NKAIN3: variants seen among roughly 807,000 people sequenced by gnomAD.
NKAIN3 encodes sodium/potassium-transporting ATPase subunit beta-1-interacting protein 3.
A neutral mutation model predicts 30.2 loss-of-function variants in NKAIN3; 25 were observed. The ratio of observed to expected loss-of-function variants is 0.83; its 90% confidence interval spans 0.60 to 1.16. The LOEUF (loss-of-function observed/expected upper bound fraction) is 1.16, where lower values mean the gene tolerates loss of function less well. NKAIN3 is among the 50% of genes most tolerant of loss of function. NKAIN3 has a pLI of 0.00. For missense variants in NKAIN3, 225 were observed against 254.1 expected, an observed-to-expected ratio of 0.89 and a Z score of 0.78; for synonymous variants, 91 against 89.6, an observed-to-expected ratio of 1.02 and a Z score of -0.09.
chr8:62,640,760 C>T (rs770607332), intron 3 of NKAIN3, among the ~76,000 whole-genome samples: 5 of 152,080 alleles, frequency 3.3e-5, no homozygotes, highest in African/African-American at 4.8e-5. Context: ...CTGAGCACCC[C>T]AGAGGTGGGT....
At chr8:62,416,482 A>G (rs912429014) in intron 1 of NKAIN3, among the ~76,000 whole-genome samples, 1 of 152,182 alleles carries the variant, frequency 6.6e-6, no homozygotes, top group East Asian at 1.9e-4. Context: ...AGCAGAGCTT[A>G]ACAAAAAAGA....
At chr8:62,611,185 T>C (rs2130186268) in intron 3 of NKAIN3, among the ~76,000 whole-genome samples, 1 of 152,260 alleles carries the variant, frequency 6.6e-6, no homozygotes, top group East Asian at 1.9e-4. Flanking sequence ...AAAAATGTTA[T>C]GGGTATATAG....
At chr8:62,565,187 TA>T (rs1438950704) in intron 1 of NKAIN3, among the ~76,000 whole-genome samples, 6 of 152,176 alleles carry the variant, frequency 3.9e-5, no homozygotes, top group Admixed American at 3.3e-4. Flanking sequence ...TGTAGTATTT[TA>T]TTTTTTTGAT....
rs561849453 is a variant in NKAIN3, at chr8:62,958,655, G to A, written c.603+4683G>A. ...TACCCCTCAGGAAGAAAAATAGCAT[G>A]GCATAAACATATACAGCTATCAAAG... is the stretch of plus-strand genomic sequence containing the variant. On this transcript the variant is annotated intron_variant, in intron 6 of 6. Transcript: ENST00000623646. Among the ~76,000 whole-genome samples, 3 of 152,212 alleles carry A rather than the reference G, an allele frequency of 2.0e-5. No homozygotes were observed. The South Asian group carries it at 6.2e-4, about 32-fold the overall frequency.
intron 1 of NKAIN3, among the ~76,000 whole-genome samples, chr8:62,361,826 G>C (rs1816574916): frequency 6.6e-6 from 1 of 152,124 alleles, no homozygotes. Context: ...GCAGTCTCAT[G>C]CTTGTTTGTT....
intron 1 of NKAIN3, among the ~76,000 whole-genome samples, chr8:62,469,582 C>A (rs2129599934): frequency 6.6e-6 from 1 of 152,210 alleles, no homozygotes; most frequent in East Asian, 1.9e-4. Flanking sequence ...GGGCCCTTCC[C>A]CTTTCATCTC....
intron 1 of NKAIN3, among the ~76,000 whole-genome samples, chr8:62,511,232 G>T (rs993647084): frequency 6.6e-6 from 1 of 152,078 alleles, no homozygotes; most frequent in African/African-American, 2.4e-5. Context: ...ATTTCAGGTT[G>T]CCTCTCTGCA....
chr8:62,896,311 C>T (rs143548711), intron 4 of NKAIN3, among the ~76,000 whole-genome samples: 8 of 152,196 alleles, frequency 5.3e-5, no homozygotes, highest in South Asian at 4.2e-4. Flanking sequence ...GACCTAATTA[C>T]CTTCCAAAAG....
intron 4 of NKAIN3, among the ~76,000 whole-genome samples, chr8:62,769,933 G>A (rs1816962449): frequency 6.6e-6 from 1 of 152,144 alleles, no homozygotes; most frequent in African/African-American, 2.4e-5. Flanking sequence ...TGGAACCTAA[G>A]ATAACTCAAT....
intron 1 of NKAIN3, among the ~76,000 whole-genome samples, chr8:62,390,184 C>A (rs1415835373): frequency 6.6e-6 from 1 of 152,026 alleles, no homozygotes; most frequent in East Asian, 1.9e-4. Flanking sequence ...TTCCTGATCC[C>A]TTCCTTTATC....
At chr8:62,566,123 G>T (rs4348485) in intron 1 of NKAIN3, among the ~76,000 whole-genome samples, 10,147 of 152,106 alleles carry the variant, frequency 0.067, 433 homozygotes, top group Middle Eastern at 0.14. Flanking sequence ...GAAATGCTTT[G>T]TTCTACCTTT....
intron 4 of NKAIN3, among the ~76,000 whole-genome samples, chr8:62,870,226 CTA>C (rs1303010696): frequency 2.2e-5 from 3 of 136,632 alleles, no homozygotes; most frequent in Non-Finnish European, 3.2e-5. Flanking sequence ...ATATCTATAT[CTA>C]TATATAGATA....
chr8:62,595,306 G>A (rs1810789073), intron 3 of NKAIN3, among the ~76,000 whole-genome samples: 1 of 149,628 alleles, frequency 6.7e-6, no homozygotes, highest in South Asian at 2.1e-4. Flanking sequence ...ACCATTAGCT[G>A]TAAAATATGA....
intron 1 of NKAIN3, among the ~76,000 whole-genome samples, chr8:62,350,537 A>G (rs1020515906): frequency 2.0e-5 from 3 of 152,176 alleles, no homozygotes; most frequent in African/African-American, 4.8e-5. Flanking sequence ...CTGGGGACCA[A>G]CGGTGGTGAT....
chr8:62,690,645 G>A (rs977389274), intron 3 of NKAIN3, among the ~76,000 whole-genome samples: 2 of 152,122 alleles, frequency 1.3e-5, no homozygotes, highest in South Asian at 4.1e-4. Flanking sequence ...GTGGGAGCTG[G>A]AATCCTGTGA....
At chr8:62,714,846 A>G (rs368382370) in intron 3 of NKAIN3, among the ~76,000 whole-genome samples, 2 of 152,226 alleles carry the variant, frequency 1.3e-5, no homozygotes, top group Admixed American at 6.5e-5. Context: ...ACTTTATGCT[A>G]CAAGTATGAG....
At chr8:62,535,292 C>T (rs1444475982) in intron 1 of NKAIN3, among the ~76,000 whole-genome samples, 2 of 152,198 alleles carry the variant, frequency 1.3e-5, no homozygotes, top group Non-Finnish European at 2.9e-5. Flanking sequence ...ATCATCAATA[C>T]AGAAGAAGAC....
chr8:62,258,607 C>A (rs376586131), intron 1 of NKAIN3, among the ~76,000 whole-genome samples: 2 of 152,140 alleles, frequency 1.3e-5, no homozygotes, highest in East Asian at 3.9e-4. Flanking sequence ...CTGCAGTGAG[C>A]CTTAATGGTG....
chr8:62,257,045 A>C (rs1812283383), intron 1 of NKAIN3, among the ~76,000 whole-genome samples: 1 of 152,204 alleles, frequency 6.6e-6, no homozygotes, highest in Non-Finnish European at 1.5e-5. Flanking sequence ...ATGTGGAATA[A>C]AAAAACAAGC....
Sources: gnomAD v4.1 joint callset for allele counts (sites outside exome capture counted in the v4.1 genomes callset) on GRCh38, gnomAD v4.1.1 for gene constraint, MANE v1.5 for transcripts, NCBI Gene and HGNC (gene_info 2026-07-23, HGNC 2026-07-21) for gene names.